UBE2H: variants seen among roughly 807,000 people sequenced by gnomAD.
The protein encoded by UBE2H is ubiquitin-conjugating enzyme E2 H.
In UBE2H, 3 loss-of-function variants were observed where a neutral mutation model predicts 29.0. The observed-to-expected ratio is 0.10, with a 90% CI of 0.05 to 0.27. UBE2H has a LOEUF of 0.27. UBE2H is among the 10% of genes least tolerant of loss of function. The pLI, the probability that UBE2H is intolerant of heterozygous loss-of-function variation, is 1.00. For missense variants in UBE2H, 68 were observed against 228.2 expected, an observed-to-expected ratio of 0.30 and a Z score of 4.52; for synonymous variants, 69 against 82.9, an observed-to-expected ratio of 0.83 and a Z score of 0.91.
At chr7:129,887,250 C>T (rs1806382487) in intron 1 of UBE2H, among the ~76,000 whole-genome samples, 1 of 123,418 alleles carries the variant, frequency 8.1e-6, no homozygotes, top group Non-Finnish European at 1.6e-5. Flanking sequence ...GAGATGGAGT[C>T]TTGCTCTGCC....
rs138503338 is a variant in UBE2H at position 129,852,466 on chromosome 7, C to CAA, written c.298+5043_298+5044dup. 9.0e-3 allele frequency among the ~76,000 whole-genome samples: 1,217 copies of CAA among 135,494 alleles called. 20 individuals carry two copies. The highest frequency in any genetic ancestry group is 0.03 in the East Asian group (138 of 4,528). The allele number at this position is 135,494 out of a possible 152,430, so 88.9% of individuals were successfully genotyped here. A position where few individuals can be genotyped will look rare whatever the true frequency, so the allele number is the denominator to read the frequency against. On this transcript the variant is annotated intron_variant, in intron 5 of 6. Transcript: ENST00000355621. Reference sequence around the variant, plus strand: ...TGGGCGACAGAGCGAGACTCCGTCTCAAAAAAAAAAAAAAATTTGTATCTC... The same window carrying CAA: ...TGGGCGACAGAGCGAGACTCCGTCTCAAAAAAAAAAAAAAAAATTTGTATCTC...
At chr7:129,857,239 A>G (rs1317087220) in intron 5 of UBE2H, 7 of 424,260 alleles carry the variant, frequency 1.6e-5, no homozygotes, top group African/African-American at 6.2e-5. Flanking sequence ...ACATGTATTC[A>G]TGTGTGTGCG....
intron 1 of UBE2H, among the ~76,000 whole-genome samples, chr7:129,886,823 G>A (rs1806373246): frequency 7.2e-6 from 1 of 139,752 alleles, no homozygotes; most frequent in African/African-American, 2.6e-5. Flanking sequence ...TAATATGTAA[G>A]TATCACAAAA....
At chr7:129,858,677 G>A (rs934452380) in intron 4 of UBE2H, among the ~76,000 whole-genome samples, 5 of 152,080 alleles carry the variant, frequency 3.3e-5, no homozygotes, top group Admixed American at 1.3e-4. Flanking sequence ...GAAAAATGAA[G>A]GACCCAGTCA....
chr7:129,928,653 G>T (rs866169481), intron 1 of UBE2H, among the ~76,000 whole-genome samples: 2 of 152,166 alleles, frequency 1.3e-5, no homozygotes, highest in Non-Finnish European at 2.9e-5. Flanking sequence ...CAAATAACTA[G>T]AAGAGTGGAT....
chr7:129,928,356 A>T (rs921456565), intron 1 of UBE2H, among the ~76,000 whole-genome samples: 3 of 152,214 alleles, frequency 2.0e-5, no homozygotes, highest in African/African-American at 7.2e-5. Context: ...TAATCCCAGC[A>T]CTTTGGGAGG....
chr7:129,914,620 G>C (rs965794228), intron 1 of UBE2H, among the ~76,000 whole-genome samples: 2 of 152,136 alleles, frequency 1.3e-5, no homozygotes, highest in Non-Finnish European at 2.9e-5. Context: ...ACTTCAAACC[G>C]ACCCAGGTTT....
At chr7:129,848,577 T>C (rs1276606217) in intron 5 of UBE2H, among the ~76,000 whole-genome samples, 2 of 152,210 alleles carry the variant, frequency 1.3e-5, no homozygotes, top group Non-Finnish European at 2.9e-5. Context: ...CCCTGAACTT[T>C]TGGTCATTAT....
At chr7:129,913,582 C>T (rs1806983897) in intron 1 of UBE2H, among the ~76,000 whole-genome samples, 1 of 151,096 alleles carries the variant, frequency 6.6e-6, no homozygotes, top group Non-Finnish European at 1.5e-5. Context: ...TCATTCGAGC[C>T]CCTCAATAAC....
intron 1 of UBE2H, among the ~76,000 whole-genome samples, chr7:129,920,874 A>G (rs1807147406): frequency 2.0e-5 from 3 of 146,388 alleles, no homozygotes; most frequent in South Asian, 2.1e-4. Flanking sequence ...AAAAAAAGCA[A>G]TCTTTAAAAT....
intron 1 of UBE2H, among the ~76,000 whole-genome samples, chr7:129,884,862 C>G (rs986602275): frequency 6.6e-6 from 1 of 152,006 alleles, no homozygotes. Flanking sequence ...GGATTATAGG[C>G]GTGAGCCACC....
chr7:129,848,941 G>C (rs1166685116), intron 5 of UBE2H, among the ~76,000 whole-genome samples: 1 of 151,212 alleles, frequency 6.6e-6, no homozygotes, highest in Non-Finnish European at 1.5e-5. Flanking sequence ...TTCCTCAAGG[G>C]TGTATTAGAC....
In UBE2H at chr7:129,952,601, G is replaced by T; in HGVS notation, c.-46C>A. ...CCCTTCCTCGGCCCGTCTGTCACGG[G>T]CCCGGGGCCCCGGCTCTGAGGAGCC... On this transcript the variant is annotated 5_prime_UTR_variant, in exon 1 of 7. Coordinates refer to ENST00000355621, the MANE Select transcript of UBE2H (RefSeq NM_003344.4). The T allele has an allele frequency of 6.2e-7, 1 of 1,602,262 alleles. No homozygotes were observed. The highest frequency in any genetic ancestry group is 8.5e-7 in the Non-Finnish European group (1 of 1,176,318).
intron 1 of UBE2H, among the ~76,000 whole-genome samples, chr7:129,902,326 C>T (rs1415835145): frequency 6.6e-6 from 1 of 152,232 alleles, no homozygotes; most frequent in East Asian, 1.9e-4. Context: ...TGGCAAAACC[C>T]CGTCTCTACT....
intron 5 of UBE2H, among the ~76,000 whole-genome samples, chr7:129,847,946 C>T (rs181034950): frequency 2.4e-4 from 37 of 152,320 alleles, no homozygotes; most frequent in African/African-American, 8.2e-4. Context: ...TTTCCCCTGG[C>T]ATGTAACTAT....
chr7:129,915,167 AC>A (rs1807018706), intron 1 of UBE2H, among the ~76,000 whole-genome samples: 1 of 152,198 alleles, frequency 6.6e-6, no homozygotes, highest in African/African-American at 2.4e-5. Flanking sequence ...ATTTCCTGCA[AC>A]AAAAACCACG....
chr7:129,907,335 A>G (rs145914501), intron 1 of UBE2H, among the ~76,000 whole-genome samples: 48 of 152,290 alleles, frequency 3.2e-4, no homozygotes, highest in African/African-American at 1.2e-3. Context: ...TGGATCGTGT[A>G]AGAAAATGGG....
chr7:129,912,528 TATACATCTTATA>T (rs1297444868), intron 1 of UBE2H, among the ~76,000 whole-genome samples: 1 of 152,238 alleles, frequency 6.6e-6, no homozygotes, highest in Non-Finnish European at 1.5e-5. Flanking sequence ...TTATGTTTCA[TATACATCTTATA>T]CACATAGTCT....
chr7:129,893,990 A>G (rs1351314564), intron 1 of UBE2H, among the ~76,000 whole-genome samples: 1 of 152,116 alleles, frequency 6.6e-6, no homozygotes, highest in Non-Finnish European at 1.5e-5. Context: ...CCCTGTCTCT[A>G]CTAAAAATAC....
Sources: gnomAD v4.1 joint callset for allele counts (sites outside exome capture counted in the v4.1 genomes callset) on GRCh38, gnomAD v4.1.1 for gene constraint, MANE v1.5 for transcripts, NCBI Gene and HGNC (gene_info 2026-07-23, HGNC 2026-07-21) for gene names.